Variants in FMN1 observed in about 807,000 individuals in gnomAD.
The protein encoded by FMN1 is formin-1.
FMN1 carries 110 observed loss-of-function variants against 132.4 expected under a neutral mutation model. That is an observed-to-expected ratio of 0.83 (90% confidence interval 0.71 to 0.97). The LOEUF (loss-of-function observed/expected upper bound fraction) is 0.97. FMN1 is among the 50% of genes least tolerant of loss of function. The pLI is 0.00. For synonymous variants in FMN1, 722 were observed against 651.7 expected, an observed-to-expected ratio of 1.11 and a Z score of -1.64; for missense variants, 1,792 against 1,705.3, an observed-to-expected ratio of 1.05 and a Z score of -0.90.
At chr15:32,919,078 G>C (rs772693929) in intron 10 of FMN1, among the ~76,000 whole-genome samples, 23 of 152,078 alleles carry the variant, frequency 1.5e-4, no homozygotes, top group Non-Finnish European at 2.8e-4. Context: ...AGCAGGTCAG[G>C]GTCACATGGC....
At chr15:32,839,968 T>A (rs1328757321) in intron 17 of FMN1, among the ~76,000 whole-genome samples, 1 of 152,196 alleles carries the variant, frequency 6.6e-6, no homozygotes, top group Non-Finnish European at 1.5e-5. Context: ...CAATTTCCGA[T>A]TTTTCCCTGT....
chr15:33,098,360 G>C (rs1403336290), intron 4 of FMN1, among the ~76,000 whole-genome samples: 2 of 152,142 alleles, frequency 1.3e-5, no homozygotes, highest in East Asian at 1.9e-4. Flanking sequence ...GTGACCACAT[G>C]CTTCCTGAAT....
chr15:33,109,057 C>A (rs879888598), intron 4 of FMN1, among the ~76,000 whole-genome samples: 337 of 152,190 alleles, frequency 2.2e-3, no homozygotes, highest in Non-Finnish European at 3.9e-3. Flanking sequence ...CTTGTCATAA[C>A]TTTACCATTT....
chr15:33,094,810 G>GTGGCCATAGTTACAC (rs1404694033), intron 4 of FMN1, among the ~76,000 whole-genome samples: 1 of 152,150 alleles, frequency 6.6e-6, no homozygotes, highest in Non-Finnish European at 1.5e-5. Flanking sequence ...AAACTTATGT[G>GTGGCCATAGTTACAC]TGGCCATAGT....
chr15:32,869,178 G>A (rs1281634737), intron 16 of FMN1, among the ~76,000 whole-genome samples: 1 of 152,212 alleles, frequency 6.6e-6, no homozygotes, highest in African/African-American at 2.4e-5. Flanking sequence ...GTCTGGAGCT[G>A]TGGGACCTTC....
intron 10 of FMN1, among the ~76,000 whole-genome samples, chr15:32,918,595 C>T (rs1262103022): frequency 6.6e-6 from 1 of 152,194 alleles, no homozygotes; most frequent in Non-Finnish European, 1.5e-5. Context: ...TCTCCTTTTA[C>T]AGGCGCAATT....
At chr15:33,128,697 C>T (rs112874649) in intron 4 of FMN1, among the ~76,000 whole-genome samples, 5 of 152,314 alleles carry the variant, frequency 3.3e-5, no homozygotes, top group African/African-American at 1.2e-4. Flanking sequence ...CACGAATAAA[C>T]CCGCGGACCC....
rs1555388957 is a variant in FMN1 at position 33,048,644 on chromosome 15, A to ACAAAAAAAAAAACAAAAAC, written c.2161+16312_2161+16313insGTTTTTGTTTTTTTTTTTG. Among the ~76,000 whole-genome samples the ACAAAAAAAAAAACAAAAAC allele has an allele frequency of 4.6e-5, 4 of 86,920 alleles. 2 individuals are homozygous for ACAAAAAAAAAAACAAAAAC. The highest frequency in any genetic ancestry group is 9.5e-5 in the Non-Finnish European group (4 of 42,100). 57.0% of individuals were successfully genotyped at this position (86,920 alleles called of 152,430 possible). A position where few individuals can be genotyped will look rare whatever the true frequency, so the allele number is the denominator to read the frequency against. On this transcript the variant is annotated intron_variant, in intron 6 of 20. Coordinates refer to ENST00000616417, the MANE Select transcript of FMN1 (RefSeq NM_001277313.2). ...TGGGCAATTTACCAAAAAAAAAAAA[A>ACAAAAAAAAAAACAAAAAC]AAAAACCAACAGTTTAATGGACTTA...
intron 15 of FMN1, among the ~76,000 whole-genome samples, chr15:32,894,590 G>C (rs1259739193): frequency 6.6e-6 from 1 of 151,708 alleles, no homozygotes; most frequent in African/African-American, 2.4e-5. Context: ...AGAATAAGAT[G>C]CATCTTGAGA....
chr15:33,161,259 T>C (rs1424317947), intron 3 of FMN1, among the ~76,000 whole-genome samples: 1 of 152,220 alleles, frequency 6.6e-6, no homozygotes, highest in Admixed American at 6.5e-5. Context: ...GACTGACTTT[T>C]ATGAACTCAA....
At chr15:32,867,417 C>T (rs377201620) in intron 16 of FMN1, among the ~76,000 whole-genome samples, 2 of 152,224 alleles carry the variant, frequency 1.3e-5, no homozygotes, top group African/African-American at 4.8e-5. Flanking sequence ...TTATGGTGTT[C>T]TCCTGCTATG....
chr15:33,193,244 A>C (rs1966140441), intron 2 of FMN1, among the ~76,000 whole-genome samples: 1 of 152,126 alleles, frequency 6.6e-6, no homozygotes, highest in African/African-American at 2.4e-5. Context: ...TCTGGTATGC[A>C]ATTCTCAGCT....
chr15:32,795,297 T>A (rs1322246422), intron 19 of FMN1, among the ~76,000 whole-genome samples: 1 of 152,182 alleles, frequency 6.6e-6, no homozygotes, highest in African/African-American at 2.4e-5. Context: ...TGAAAATTCT[T>A]TCTGGCACCT....
chr15:33,057,975 G>A lies in FMN1; in HGVS notation c.2161+6982C>T, dbSNP rs1323469865. 2.0e-5 allele frequency among the ~76,000 whole-genome samples: 3 copies of A among 152,226 alleles called. No homozygotes were observed. The East Asian group carries it at 5.8e-4, about 29-fold the overall frequency. On this transcript the variant is annotated intron_variant, in intron 6 of 20. Coordinates refer to ENST00000616417, the MANE Select transcript of FMN1 (RefSeq NM_001277313.2). ...GAGCGGAAGGAACTAAACTGCAAGT[G>A]AAAAGTATGATGGGGCTGGTGGTGG...
chr15:33,023,579 C>G (rs1190802615), intron 6 of FMN1, among the ~76,000 whole-genome samples: 3 of 151,922 alleles, frequency 2.0e-5, no homozygotes, highest in Admixed American at 6.6e-5. Context: ...ATAAAAGGTG[C>G]AAAAGCTTAA....
intron 16 of FMN1, among the ~76,000 whole-genome samples, chr15:32,865,043 T>C (rs2059360435): frequency 6.6e-6 from 1 of 152,068 alleles, no homozygotes; most frequent in African/African-American, 2.4e-5. Flanking sequence ...ACATGAAATG[T>C]CCCAGTAGGC....
At chr15:33,002,685 G>C (rs1215790829) in intron 7 of FMN1, among the ~76,000 whole-genome samples, 1 of 152,068 alleles carries the variant, frequency 6.6e-6, no homozygotes, top group African/African-American at 2.4e-5. Context: ...TAAGTCCTTT[G>C]GTGCCAGCTT....
intron 16 of FMN1, 23 bp downstream of exon 16, chr15:32,888,149 A>G (rs781192041): frequency 6.3e-7 from 1 of 1,577,318 alleles, no homozygotes; most frequent in South Asian, 1.2e-5. Context: ...CTATTATCAT[A>G]ATAGCAGAAC....
intron 4 of FMN1, among the ~76,000 whole-genome samples, chr15:33,097,696 A>C (rs1313584160): frequency 1.3e-5 from 2 of 152,208 alleles, no homozygotes; most frequent in Non-Finnish European, 2.9e-5. Flanking sequence ...TCACTTCATC[A>C]AAAAGACATA....
Sources: allele counts gnomAD v4.1 joint callset (sites outside exome capture counted in the v4.1 genomes callset), GRCh38; gene constraint gnomAD v4.1.1; transcripts MANE v1.5; gene names NCBI Gene and HGNC (gene_info 2026-07-23, HGNC 2026-07-21).